TFAP2A: variants seen among roughly 807,000 people sequenced by gnomAD.
The protein encoded by TFAP2A is transcription factor AP-2 alpha, also known as transcription factor AP-2-alpha.
In TFAP2A, 7 loss-of-function variants were observed where a neutral mutation model predicts 41.5. The ratio of observed to expected loss-of-function variants is 0.17; its 90% confidence interval spans 0.10 to 0.32. The LOEUF (loss-of-function observed/expected upper bound fraction) is 0.32. Ranked by LOEUF, TFAP2A falls within the 10% of genes least tolerant of loss-of-function variation. TFAP2A has a pLI of 1.00. For synonymous variants in TFAP2A, 247 were observed against 242.8 expected, an observed-to-expected ratio of 1.02 and a Z score of -0.16; for missense variants, 416 against 563.3, an observed-to-expected ratio of 0.74 and a Z score of 2.65.
chr6:10,415,319 A>G, upstream of TFAP2A: 2 of 1,314,110 alleles, frequency 1.5e-6, no homozygotes, highest in Non-Finnish European at 2.0e-6. Flanking sequence ...CCTCATTAGC[A>G]TATCAACAAT....
chr6:10,398,071 T>C lies in TFAP2A; in HGVS notation c.*346A>G. ...GTTGTTGTTGTTGCTGTTGTTGATTTGTTGTTTTGTTTAAAAAAAAAAGGG... is the reference window on the plus strand; with the variant it reads ...GTTGTTGTTGTTGCTGTTGTTGATTCGTTGTTTTGTTTAAAAAAAAAAGGG... On this transcript the variant is annotated 3_prime_UTR_variant, in exon 7 of 7. Transcript: ENST00000379613. This position sits in a 1 kb window ranked among gnomAD's most constrained non-coding sequence, Gnocchi z 5.3. 1 of 1,161,888 alleles carries C rather than the reference T, an allele frequency of 8.6e-7. No individual in the cohort carries two copies. The highest frequency in any genetic ancestry group is 1.1e-6 in the Non-Finnish European group (1 of 945,248). 72.0% of individuals were successfully genotyped at this position (1,161,888 alleles called of 1,614,324 possible). A position where few individuals can be genotyped will look rare whatever the true frequency, so the allele number is the denominator to read the frequency against.
intron 4 of TFAP2A, among the ~76,000 whole-genome samples, chr6:10,403,021 T>C (rs1431416968): frequency 6.6e-6 from 1 of 152,266 alleles, no homozygotes; most frequent in Non-Finnish European, 1.5e-5. Flanking sequence ...TGTTAGGTTG[T>C]TCCGAGTAAC....
In TFAP2A at chr6:10,410,261, C is replaced by A. The variant is rs752157129; in HGVS notation, c.126G>T (p.Thr42=). 6.2e-7 allele frequency: 1 copy of A among 1,613,074 alleles called. No individual in the cohort carries two copies. Among genetic ancestry groups the A allele is most frequent in the Non-Finnish European group, 8.5e-7 (1 of 1,179,786 alleles). ...QLGTVGQSPY[T]SAPPLSHTPN... ...GGGTGTGGGACAGCGGCGGGGCGCT[C>A]GTGTAGGGAGATTGACCTACAGTGC... The change falls in exon 2 of 7, where the codon ACG becomes ACT. Residue 42 remains threonine, a synonymous_variant. Coordinates refer to ENST00000379613, the MANE Select transcript of TFAP2A (RefSeq NM_001372066.1).
intron 4 of TFAP2A, 125 bp from the exon 5 acceptor site, chr6:10,402,735 A>ATTT (rs1248112323): frequency 5.2e-6 from 4 of 772,994 alleles, no homozygotes; most frequent in African/African-American, 1.7e-5. Flanking sequence ...GCCCCAAGAC[A>ATTT]TTTAAAGGAG....
At position 10,410,145 on chromosome 6, in the gene TFAP2A, G is replaced by C. The variant is rs1064797321; in HGVS notation, c.242C>G (p.Pro81Arg). The C allele has an allele frequency of 5.0e-6, 8 of 1,611,498 alleles. No homozygotes were observed. The highest frequency in any genetic ancestry group is 6.8e-6 in the Non-Finnish European group (8 of 1,179,504). The change falls in exon 2 of 7, where the codon CCC becomes CGC. Residue 81 changes from proline to arginine, a missense_variant. Pro to Arg is a moderately radical substitution (Grantham distance 103). Around this residue, in one of 3 missense-constraint regions of TFAP2A, gnomAD observed 241 missense variants for 274.1 expected, o/e 0.88. Transcript: ENST00000379613. ...GGCGTGCAGGGGGTTCAGGCTGTAG[G>C]GGTCGTTGACGTGGGAGTAAGGATC... ...SQDPYSHVND[P>R]YSLNPLHAQP...
intron 5 of TFAP2A, among the ~76,000 whole-genome samples, chr6:10,401,190 G>A (rs1481389967): frequency 6.6e-6 from 1 of 152,182 alleles, no homozygotes; most frequent in Non-Finnish European, 1.5e-5. Flanking sequence ...GAGCATCAAA[G>A]CCCTCTCCGC....
chr6:10,415,217 G>A, upstream of TFAP2A: 2 of 1,475,354 alleles, frequency 1.4e-6, no homozygotes, highest in East Asian at 2.5e-5. Context: ...AGGAGGAGGA[G>A]AGAAGGGAAA....
In TFAP2A at chr6:10,398,281, G is replaced by GGCGGCGGCGGCGGCGGCAGCA; in HGVS notation, c.*115_*135dup. The GGCGGCGGCGGCGGCGGCAGCA allele has an allele frequency of 1.3e-6, 2 of 1,508,744 alleles. No homozygotes were observed. The highest frequency in any genetic ancestry group is 1.8e-6 in the Non-Finnish European group (2 of 1,126,470). 93.5% of individuals were successfully genotyped at this position (1,508,744 alleles called of 1,614,324 possible). A position where few individuals can be genotyped will look rare whatever the true frequency, so the allele number is the denominator to read the frequency against. ...AGACTCGGGGGGACCCAAGGGCAGC[G>GGCGGCGGCGGCGGCGGCAGCA]GCGGCGGCGGCGGCGGCAGCAGCAG... On this transcript the variant is annotated 3_prime_UTR_variant, in exon 7 of 7. Coordinates refer to ENST00000379613, the MANE Select transcript of TFAP2A (RefSeq NM_001372066.1). The surrounding 1 kb of genome is among the most constrained non-coding windows in gnomAD (Gnocchi z 5.3).
In TFAP2A at chr6:10,397,891, A is replaced by C. The variant is rs930864550; in HGVS notation, c.*526T>G. On this transcript the variant is annotated 3_prime_UTR_variant, in exon 7 of 7. Transcript: ENST00000379613. ...TTCAAGTTTATTCACAATACTGATAAAAATGTTGTCATCATCTTTTGGCTT... is the reference window on the plus strand; with the variant it reads ...TTCAAGTTTATTCACAATACTGATACAAATGTTGTCATCATCTTTTGGCTT... The C allele has an allele frequency of 1.5e-5, 15 of 990,104 alleles. No homozygotes were observed. The highest frequency in any genetic ancestry group is 1.8e-5 in the Non-Finnish European group (15 of 833,316). 61.3% of individuals were successfully genotyped at this position (990,104 alleles called of 1,614,324 possible).
upstream of TFAP2A, chr6:10,419,352 G>T: frequency 7.0e-7 from 1 of 1,420,740 alleles, no homozygotes; most frequent in Non-Finnish European, 9.9e-7. Flanking sequence ...CCTCCTCCCC[G>T]CTCCGGCCCC....
At chr6:10,402,665 A>G (rs2114007659) in intron 4 of TFAP2A, 55 bp from the exon 5 acceptor site, 1 of 1,287,218 alleles carries the variant, frequency 7.8e-7, no homozygotes, top group South Asian at 1.2e-5. Context: ...GTTGCTCTGC[A>G]CCACATTAAA....
intron 3 of TFAP2A, chr6:10,405,318 C>T (rs1400979532): frequency 6.5e-6 from 1 of 152,780 alleles, no homozygotes. Context: ...TTGTTGTCCA[C>T]ACCACACGTC....
intron 3 of TFAP2A, 151 bp downstream of exon 3, chr6:10,406,642 A>T (rs1757726539): frequency 5.7e-6 from 4 of 707,844 alleles, no homozygotes. Context: ...AAGGCTGATT[A>T]TTTAAGCATT....
At chr6:10,419,308 C>A, upstream of TFAP2A, 3 of 1,337,542 alleles carry the variant, frequency 2.2e-6, no homozygotes, top group East Asian at 2.4e-5. Flanking sequence ...GCCTCACCTA[C>A]GACTCCCCTG....
chr6:10,411,673 G>A (rs1033627094), intron 1 of TFAP2A: 148 of 1,607,256 alleles, frequency 9.2e-5, no homozygotes, highest in Admixed American at 1.2e-4. Context: ...CCCGCCGCCC[G>A]AGCGCGCCCC....
chr6:10,415,253 TC>T (rs1758200443), upstream of TFAP2A: 28 of 1,440,630 alleles, frequency 1.9e-5, no homozygotes, highest in East Asian at 7.1e-4. Context: ...CTCGGAGATC[TC>T]CCTCTAATGG....
upstream of TFAP2A, chr6:10,418,621 G>T (rs1479888596): frequency 6.6e-6 from 1 of 152,368 alleles, no homozygotes; most frequent in African/African-American, 2.4e-5. Context: ...CCTTGGCCAG[G>T]GTCGGAATCC....
upstream of TFAP2A, among the ~76,000 whole-genome samples, chr6:10,419,038 C>T (rs981358024): frequency 1.3e-5 from 2 of 152,196 alleles, no homozygotes; most frequent in Admixed American, 6.5e-5. Context: ...CCGCGCACCA[C>T]AACCCCAGGC....
chr6:10,415,370 C>T, upstream of TFAP2A: 1 of 960,688 alleles, frequency 1.0e-6, no homozygotes, highest in South Asian at 1.8e-5. Context: ...CCGCCGGCCG[C>T]TCCGACACAG....
Sources: allele counts gnomAD v4.1 joint callset (sites outside exome capture counted in the v4.1 genomes callset), GRCh38; gene constraint gnomAD v4.1.1; regional missense constraint gnomAD v4.1.1; non-coding constraint Gnocchi (gnomAD v3.1); transcripts MANE v1.5; gene names NCBI Gene and HGNC (gene_info 2026-07-23, HGNC 2026-07-21).